Variants in UNC5C observed in about 807,000 individuals in gnomAD.
UNC5C encodes netrin receptor UNC5C.
Under a neutral mutation model 99.8 loss-of-function variants are expected in UNC5C, and 47 were observed. That is an observed-to-expected ratio of 0.47 (90% CI 0.37 to 0.60). UNC5C has a LOEUF of 0.60. Ranked by LOEUF, UNC5C falls within the 20% of genes least tolerant of loss-of-function variation. The pLI is 0.00. For synonymous variants in UNC5C, 487 were observed against 452.2 expected (o/e 1.08, Z -0.98); for missense variants, 1,062 against 1,165.9 (o/e 0.91, Z 1.30).
intron 3 of UNC5C, among the ~76,000 whole-genome samples, chr4:95,290,365 T>G (rs1253245517): frequency 6.6e-6 from 1 of 151,860 alleles, no homozygotes; most frequent in Non-Finnish European, 1.5e-5. Flanking sequence ...TTAACTTATC[T>G]TTCCTTCTCA....
At chr4:95,281,063 C>A (rs1741040943) in intron 3 of UNC5C, among the ~76,000 whole-genome samples, 1 of 152,098 alleles carries the variant, frequency 6.6e-6, no homozygotes, top group Admixed American at 6.5e-5. Flanking sequence ...CTTCAATGTT[C>A]TTGACAAAGT....
chr4:95,458,907 C>T (rs1027992620), intron 1 of UNC5C, among the ~76,000 whole-genome samples: 7 of 151,920 alleles, frequency 4.6e-5, no homozygotes, highest in African/African-American at 1.5e-4. Context: ...TTACCCCAAG[C>T]CTTATCCCTT....
chr4:95,359,725 TG>T (rs1744326800), intron 1 of UNC5C, among the ~76,000 whole-genome samples: 1 of 152,158 alleles, frequency 6.6e-6, no homozygotes, highest in South Asian at 2.1e-4. Context: ...GCCTGACTGC[TG>T]TAAACATGAC....
At chr4:95,421,795 AT>A (rs1284655905) in intron 1 of UNC5C, among the ~76,000 whole-genome samples, 7 of 152,152 alleles carry the variant, frequency 4.6e-5, no homozygotes, top group African/African-American at 1.7e-4. Flanking sequence ...TCTGCTAATT[AT>A]GTTGCATGGA....
chr4:95,175,011 C>G (rs1473405379), intron 14 of UNC5C, among the ~76,000 whole-genome samples: 1 of 151,710 alleles, frequency 6.6e-6, no homozygotes, highest in African/African-American at 2.4e-5. Context: ...CCTTCTTTGT[C>G]TTTTTTGATC....
At chr4:95,473,165 T>A (rs1748027034) in intron 1 of UNC5C, among the ~76,000 whole-genome samples, 1 of 152,152 alleles carries the variant, frequency 6.6e-6, no homozygotes, top group Non-Finnish European at 1.5e-5. Context: ...GTTTTGACTT[T>A]CTACTCAAAA....
chr4:95,476,906 G>T (rs1009902059), intron 1 of UNC5C, among the ~76,000 whole-genome samples: 2 of 151,986 alleles, frequency 1.3e-5, no homozygotes, highest in African/African-American at 4.8e-5. Context: ...TCCAGGGTCT[G>T]TGCTCTTTTC....
chr4:95,175,648 C>T (rs1228440384), intron 14 of UNC5C, among the ~76,000 whole-genome samples: 1 of 152,046 alleles, frequency 6.6e-6, no homozygotes, highest in Non-Finnish European at 1.5e-5. Flanking sequence ...TGTGGGTAAC[C>T]CGACCTTTCT....
At chr4:95,340,974 G>C (rs999392924) in intron 1 of UNC5C, among the ~76,000 whole-genome samples, 1 of 152,026 alleles carries the variant, frequency 6.6e-6, no homozygotes, top group Non-Finnish European at 1.5e-5. Context: ...GAAAATTTTT[G>C]CTTACCAAAT....
chr4:95,288,479 T>C (rs1474852965), intron 3 of UNC5C, among the ~76,000 whole-genome samples: 2 of 152,366 alleles, frequency 1.3e-5, no homozygotes, highest in East Asian at 3.9e-4. Flanking sequence ...GTGAATTTGC[T>C]GGAAAATGGA....
intron 1 of UNC5C, among the ~76,000 whole-genome samples, chr4:95,369,559 A>G (rs1402421238): frequency 6.6e-6 from 1 of 152,110 alleles, no homozygotes; most frequent in Non-Finnish European, 1.5e-5. Context: ...GCATCTCCAA[A>G]AAAAGGAGAT....
intron 1 of UNC5C, among the ~76,000 whole-genome samples, chr4:95,442,270 A>C (rs1746971508): frequency 6.6e-6 from 1 of 151,654 alleles, no homozygotes; most frequent in Non-Finnish European, 1.5e-5. Context: ...TGGTGTGATC[A>C]TAGATCACTG....
rs562670788 is a variant in UNC5C at position 95,228,079 on chromosome 4, A to G, written c.1109-7903T>C. Among the ~76,000 whole-genome samples, 8 of 152,344 alleles carry G rather than the reference A, an allele frequency of 5.3e-5. No homozygotes were observed. In the South Asian group the frequency reaches 1.2e-3, roughly 24 times the overall value. The stretch of plus-strand genomic sequence containing the variant: ...CCTTGGTGTTTACACTGAAGGAAGT[A>G]ATATCAAATTATCCCTAAGTACACA... On this transcript the variant is annotated intron_variant, in intron 7 of 15. Coordinates refer to ENST00000453304, the MANE Select transcript of UNC5C (RefSeq NM_003728.4).
intron 2 of UNC5C, among the ~76,000 whole-genome samples, chr4:95,317,477 T>C (rs894949865): frequency 7.2e-6 from 1 of 139,056 alleles, no homozygotes; most frequent in Non-Finnish European, 1.5e-5. Flanking sequence ...AAGGAAATTA[T>C]AAAGTGAAGC....
intron 2 of UNC5C, among the ~76,000 whole-genome samples, chr4:95,312,298 G>C (rs113337124): frequency 3.9e-5 from 6 of 152,160 alleles, no homozygotes; most frequent in African/African-American, 1.2e-4. Context: ...TTGAGCATAG[G>C]CCCTGTCCTA....
At chr4:95,513,896 C>T (rs898027465) in intron 1 of UNC5C, among the ~76,000 whole-genome samples, 1 of 152,142 alleles carries the variant, frequency 6.6e-6, no homozygotes, top group Admixed American at 6.6e-5. Context: ...AATTTTAGAG[C>T]TCATAAATTG....
At chr4:95,501,336 CA>C (rs1214820633) in intron 1 of UNC5C, among the ~76,000 whole-genome samples, 2 of 151,838 alleles carry the variant, frequency 1.3e-5, no homozygotes, top group African/African-American at 4.8e-5. Flanking sequence ...CTTTTTTGGT[CA>C]GCAACAAGTA....
At chr4:95,272,971 A>C (rs1170297369) in intron 4 of UNC5C, among the ~76,000 whole-genome samples, 1 of 152,258 alleles carries the variant, frequency 6.6e-6, no homozygotes, top group Non-Finnish European at 1.5e-5. Flanking sequence ...ATAATCAATT[A>C]GATGGAGAGC....
intron 1 of UNC5C, among the ~76,000 whole-genome samples, chr4:95,490,474 T>C (rs1175178014): frequency 2.0e-5 from 3 of 151,702 alleles, no homozygotes; most frequent in African/African-American, 7.2e-5. Context: ...ATCTTGACTA[T>C]GTCTCAGATT....
Sources: allele counts gnomAD v4.1 joint callset (sites outside exome capture counted in the v4.1 genomes callset), GRCh38; gene constraint gnomAD v4.1.1; transcripts MANE v1.5; gene names NCBI Gene and HGNC (gene_info 2026-07-23, HGNC 2026-07-21).